Variants in MARCHF10 observed in about 807,000 individuals in gnomAD.
The protein encoded by MARCHF10 is probable E3 ubiquitin-protein ligase MARCHF10.
In MARCHF10, 64 loss-of-function variants were observed where a neutral mutation model predicts 76.2. The observed-to-expected ratio is 0.84, with a 90% CI of 0.69 to 1.03. The LOEUF is 1.03. Among genes scored for constraint, MARCHF10 ranks in the 50% least tolerant of loss-of-function variants. The pLI is 0.00. For synonymous variants in MARCHF10, 340 were observed against 357.5 expected (o/e 0.95, Z 0.55); for missense variants, 875 against 958.0 (o/e 0.91, Z 1.14).
chr17:62,737,481 A>C, intron 5 of MARCHF10, 149 bp from the exon 6 acceptor site: 1 of 723,728 alleles, frequency 1.4e-6, no homozygotes, highest in East Asian at 2.5e-5. Context: ...GAGGTACAAG[A>C]GGAGCAGAGC....
At chr17:62,778,978 G>A (rs1242876715) in intron 3 of MARCHF10, among the ~76,000 whole-genome samples, 1 of 152,204 alleles carries the variant, frequency 6.6e-6, no homozygotes, top group Non-Finnish European at 1.5e-5. Context: ...ACAGAGCAAC[G>A]GCTAAAATGG....
chr17:62,786,844 G>A (rs890168674), intron 3 of MARCHF10, among the ~76,000 whole-genome samples: 1 of 152,156 alleles, frequency 6.6e-6, no homozygotes, highest in Non-Finnish European at 1.5e-5. Flanking sequence ...GACTGTGCAC[G>A]TGAGCCTCTG....
intron 1 of MARCHF10, 37 bp from the exon 2 acceptor site, chr17:62,801,789 G>C (rs2093079111): frequency 1.7e-5 from 24 of 1,410,764 alleles, no homozygotes; most frequent in Non-Finnish European, 2.3e-5. Context: ...CTGTGTTAGA[G>C]TCCTTTGTCG....
chr17:62,734,891 T>C (rs2091195715), intron 6 of MARCHF10, among the ~76,000 whole-genome samples: 1 of 152,184 alleles, frequency 6.6e-6, no homozygotes, highest in South Asian at 2.1e-4. Flanking sequence ...TGGTAGAAAT[T>C]TAGACTTCTG....
intron 8 of MARCHF10, among the ~76,000 whole-genome samples, chr17:62,718,474 C>T (rs185394417): frequency 6.6e-6 from 1 of 152,294 alleles, no homozygotes; most frequent in East Asian, 1.9e-4. Flanking sequence ...CTTTTCTAGA[C>T]AAGGCATTCC....
intron 10 of MARCHF10, 41 bp downstream of exon 10, chr17:62,705,498 C>G (rs1204735632): frequency 2.5e-6 from 4 of 1,614,012 alleles, no homozygotes; most frequent in Non-Finnish European, 3.4e-6. Context: ...AGTAATTTAG[C>G]AAACACCCTC....
chr17:62,805,489 C>T (rs1598099537), intron 1 of MARCHF10, among the ~76,000 whole-genome samples: 1 of 152,148 alleles, frequency 6.6e-6, no homozygotes, highest in South Asian at 2.1e-4. Context: ...ATATAGAAAG[C>T]CGGTTAATCT....
At position 62,712,445 on chromosome 17, in the gene MARCHF10, T is replaced by C. The variant is rs925481265; in HGVS notation, c.2215-1101A>G. ...ATTAGATCCAGGGCAGCTCAGGAGG[T>C]TGGCACAGAACCCACCTCTCCCAGG... On this transcript the variant is annotated intron_variant, in intron 8 of 10. Transcript: ENST00000311269. The surrounding 1 kb of genome is among the most constrained non-coding windows in gnomAD (Gnocchi z 4.2). Among the ~76,000 whole-genome samples, 11 of 152,216 alleles carry C rather than the reference T, an allele frequency of 7.2e-5. No individual in the cohort carries two copies. Among genetic ancestry groups the C allele is most frequent in the Admixed American group, 2.0e-4 (3 of 15,298 alleles).
chr17:62,804,888 C>CGACA (rs1313956732), intron 1 of MARCHF10: 2 of 152,182 alleles, frequency 1.3e-5, no homozygotes, highest in African/African-American at 4.8e-5. Context: ...ATGGGACAGG[C>CGACA]GACATCTCTA....
chr17:62,759,888 C>A lies in MARCHF10; in HGVS notation c.329G>T (p.Ser110Ile), dbSNP rs760323928. ...DQTSVKQKHKSTMTVRKAEKV... is the reference protein window; with the variant it reads ...DQTSVKQKHKITMTVRKAEKV... Reference sequence around the variant, plus strand: ...CTCTGCTTTCCTTACAGTCATGGTACTTTTATGTTTCTGCTTGACTGATGT... The same window carrying A: ...CTCTGCTTTCCTTACAGTCATGGTAATTTTATGTTTCTGCTTGACTGATGT... The change falls in exon 4 of 11, where the codon AGT becomes ATT. Residue 110 changes from serine (S) to isoleucine (I), a missense_variant. Coordinates refer to ENST00000311269, the MANE Select transcript of MARCHF10 (RefSeq NM_152598.4). 7 of 1,614,076 alleles carry A rather than the reference C, an allele frequency of 4.3e-6. No individual in the cohort carries two copies. The Admixed American group carries it at 1.2e-4, about 27-fold the overall frequency.
At chr17:62,705,695 G>T in intron 9 of MARCHF10, 114 bp from the exon 10 acceptor site, 1 of 1,335,544 alleles carries the variant, frequency 7.5e-7, no homozygotes, top group Admixed American at 2.2e-5. Flanking sequence ...CACTTTAAAG[G>T]GGCAGGAAAA....
At chr17:62,727,231 A>G (rs776727054) in intron 6 of MARCHF10, among the ~76,000 whole-genome samples, 1 of 152,228 alleles carries the variant, frequency 6.6e-6, no homozygotes, top group African/African-American at 2.4e-5. Flanking sequence ...CCATCTTCTC[A>G]AAGGTATAGG....
intron 2 of MARCHF10, among the ~76,000 whole-genome samples, chr17:62,800,287 A>G (rs55940506): frequency 6.6e-6 from 1 of 152,374 alleles, no homozygotes; most frequent in African/African-American, 2.4e-5. Flanking sequence ...AACAAGGACC[A>G]TAAAACTATA....
rs553858394 is a variant in MARCHF10, at chr17:62,746,746, T to C, written c.383-2218A>G. The C allele has an allele frequency of 8.3e-4, 618 of 747,798 alleles. 2 individuals are homozygous for C. The African/African-American group carries it at 9.7e-3, about 12-fold the overall frequency. 46.3% of individuals were successfully genotyped at this position (747,798 alleles called of 1,614,324 possible). ...GGACCTGGCCCCAAGGTCCTGAGGA[T>C]AAGAATTTCACTTTGATTTCCAGCA... is the stretch of plus-strand genomic sequence containing the variant. On this transcript the variant is annotated intron_variant, in intron 4 of 10. Transcript: ENST00000311269.
chr17:62,728,985 G>C (rs567030581), intron 6 of MARCHF10, among the ~76,000 whole-genome samples: 76 of 152,304 alleles, frequency 5.0e-4, no homozygotes, highest in Non-Finnish European at 8.8e-5. Context: ...GTCCAGGCCG[G>C]AGTGCAGTGG....
chr17:62,793,179 T>TACC (rs1319754914), intron 2 of MARCHF10, among the ~76,000 whole-genome samples: 1 of 33,190 alleles, frequency 3.0e-5, no homozygotes. Context: ...CCTCCATCAC[T>TACC]ACCACCACCA....
intron 3 of MARCHF10, among the ~76,000 whole-genome samples, chr17:62,763,322 C>T (rs1005413660): frequency 1.3e-5 from 2 of 152,104 alleles, no homozygotes; most frequent in African/African-American, 4.8e-5. Flanking sequence ...TGAATGGAGA[C>T]GTGGGTTAGT....
intron 4 of MARCHF10, among the ~76,000 whole-genome samples, chr17:62,753,654 A>G (rs1030813467): frequency 5.3e-5 from 8 of 152,164 alleles, no homozygotes; most frequent in African/African-American, 1.9e-4. Flanking sequence ...TTGCACACTC[A>G]GTACCTGCTG....
intron 1 of MARCHF10, among the ~76,000 whole-genome samples, chr17:62,803,583 T>C (rs1171032785): frequency 6.6e-6 from 1 of 152,038 alleles, no homozygotes; most frequent in African/African-American, 2.4e-5. Flanking sequence ...GCCGTGGGGC[T>C]ATCTCGGCTC....
Sources: allele counts gnomAD v4.1 joint callset (sites outside exome capture counted in the v4.1 genomes callset), GRCh38; gene constraint gnomAD v4.1.1; non-coding constraint Gnocchi (gnomAD v3.1); transcripts MANE v1.5; gene names NCBI Gene and HGNC (gene_info 2026-07-23, HGNC 2026-07-21).